The following ELOVL7 variants were observed in gnomAD, a reference collection of about 807,000 sequenced individuals.
The protein encoded by ELOVL7 is ELOVL fatty acid elongase 7, also known as very long chain fatty acid elongase 7.
ELOVL7 carries 27 observed loss-of-function variants against 35.7 expected under a neutral mutation model. The ratio of observed to expected loss-of-function variants is 0.76; its 90% CI spans 0.56 to 1.04. The LOEUF (loss-of-function observed/expected upper bound fraction) is 1.04. Ranked by LOEUF, ELOVL7 falls within the 50% of genes least tolerant of loss-of-function variation. The probability of loss-of-function intolerance (pLI) is 0.00; values close to 1 mark genes in which losing one functional copy is unlikely to be tolerated. For missense variants in ELOVL7, 327 were observed against 340.8 expected (o/e 0.96, Z 0.32); for synonymous variants, 113 against 114.6 (o/e 0.99, Z 0.09).
At chr5:60,793,635 T>C (rs1744073992) in intron 2 of ELOVL7, among the ~76,000 whole-genome samples, 1 of 152,082 alleles carries the variant, frequency 6.6e-6, no homozygotes, top group Non-Finnish European at 1.5e-5. Flanking sequence ...TCCTACAAAG[T>C]GAGCAGCAGA....
rs1742330883 is a variant in ELOVL7, at chr5:60,767,767, T to C, written c.336+56A>G. 8.9e-6 allele frequency: 12 copies of C among 1,343,300 alleles called. No homozygotes were observed. The South Asian group carries it at 1.4e-4, about 16-fold the overall frequency. 83.2% of individuals were successfully genotyped at this position (1,343,300 alleles called of 1,614,324 possible). ...AGTTTACGTTCAGTGTTACAAACAG[T>C]TCACAAAATTTTAACATTGATTTTG... On this transcript the variant is annotated intron_variant, in intron 5 of 8. Coordinates refer to ENST00000508821, the MANE Select transcript of ELOVL7 (RefSeq NM_024930.3).
intron 7 of ELOVL7, among the ~76,000 whole-genome samples, chr5:60,761,040 T>G (rs1190963402): frequency 6.6e-6 from 1 of 152,226 alleles, no homozygotes; most frequent in Admixed American, 6.5e-5. Flanking sequence ...TATTTTAATA[T>G]TTACAAAACA....
At chr5:60,772,205 TGGGC>T in intron 3 of ELOVL7, 112 bp from the exon 4 acceptor site, 1 of 642,790 alleles carries the variant, frequency 1.6e-6, no homozygotes, top group Non-Finnish European at 2.7e-6. Flanking sequence ...GTGAGCTATT[TGGGC>T]AGTGATCACT....
At chr5:60,783,142 A>G (rs1743363307) in intron 3 of ELOVL7, among the ~76,000 whole-genome samples, 2 of 152,134 alleles carry the variant, frequency 1.3e-5, no homozygotes, top group Non-Finnish European at 2.9e-5. Context: ...TGTGAGACCA[A>G]GTTTCCTCAC....
In ELOVL7 at chr5:60,763,645, C is replaced by T. The variant is rs560441905; in HGVS notation, c.499+582G>A. 9.9e-5 allele frequency among the ~76,000 whole-genome samples: 15 copies of T among 152,258 alleles called. No individual in the cohort carries two copies. The South Asian group carries it at 1.7e-3, about 17-fold the overall frequency. On this transcript the variant is annotated intron_variant, in intron 7 of 8. Transcript: ENST00000508821. ...TCAGAAGCCTAAAACAAAAAAGAAA[C>T]GACCTGTTTTCCAAACTTTCCATTT...
At chr5:60,826,772 G>T (rs1005049096) in intron 1 of ELOVL7, among the ~76,000 whole-genome samples, 1 of 152,164 alleles carries the variant, frequency 6.6e-6, no homozygotes, top group African/African-American at 2.4e-5. Context: ...AAACCAGGGG[G>T]TTTCCTTCTG....
intron 1 of ELOVL7, among the ~76,000 whole-genome samples, chr5:60,817,626 TA>T (rs1017886320): frequency 1.4e-5 from 2 of 147,466 alleles, no homozygotes; most frequent in Non-Finnish European, 3.0e-5. Flanking sequence ...TATTTGTATA[TA>T]TGTATATTAG....
At position 60,807,992 on chromosome 5, in the gene ELOVL7, CAAAAAAAAAAAAAAA is replaced by C. The variant is rs34086506; in HGVS notation, c.-85-8777_-85-8763del. On this transcript the variant is annotated intron_variant, in intron 1 of 8. Transcript: ENST00000508821. ...CCAGCCTGGGCGTGAGACTCCGTCT[CAAAAAAAAAAAAAAA>C]AAAAAAAAAAAAAAGAATAAAATGG... 5.6e-3 allele frequency among the ~76,000 whole-genome samples: 237 copies of C among 42,428 alleles called. 3 individuals carry two copies. Among genetic ancestry groups the C allele is most frequent in the African/African-American group, 0.018 (227 of 12,964 alleles). The allele number at this position is 42,428 out of a possible 152,430, so 27.8% of individuals were successfully genotyped here. A position where few individuals can be genotyped will look rare whatever the true frequency, so the allele number is the denominator to read the frequency against.
chr5:60,763,291 C>T (rs1742033836), intron 7 of ELOVL7, among the ~76,000 whole-genome samples: 2 of 152,196 alleles, frequency 1.3e-5, no homozygotes, highest in South Asian at 4.1e-4. Flanking sequence ...CCCTTCCTGA[C>T]ACGGGCTTAT....
At chr5:60,765,031 T>G (rs947585038) in intron 6 of ELOVL7, among the ~76,000 whole-genome samples, 6 of 152,076 alleles carry the variant, frequency 3.9e-5, no homozygotes, top group Non-Finnish European at 7.4e-5. Flanking sequence ...TGTTAAGATT[T>G]TTAAATACAA....
intron 1 of ELOVL7, among the ~76,000 whole-genome samples, chr5:60,842,000 G>T (rs1747202038): frequency 6.6e-6 from 1 of 152,104 alleles, no homozygotes; most frequent in Non-Finnish European, 1.5e-5. Flanking sequence ...AAACCTGCCT[G>T]ATGTGTGCTA....
intron 3 of ELOVL7, among the ~76,000 whole-genome samples, chr5:60,783,696 T>G (rs1188058447): frequency 6.6e-6 from 1 of 152,192 alleles, no homozygotes; most frequent in Non-Finnish European, 1.5e-5. Flanking sequence ...AAGGCACACC[T>G]CTATTTGAAA....
chr5:60,788,787 G>T (rs1743751897), intron 2 of ELOVL7, among the ~76,000 whole-genome samples: 1 of 151,410 alleles, frequency 6.6e-6, no homozygotes, highest in Admixed American at 6.6e-5. Context: ...AGTGAGACTT[G>T]GTCTTAAAAA....
intron 7 of ELOVL7, among the ~76,000 whole-genome samples, chr5:60,761,728 A>G (rs1338743419): frequency 3.3e-5 from 5 of 152,154 alleles, no homozygotes; most frequent in Non-Finnish European, 5.9e-5. Flanking sequence ...TTGAATTCAT[A>G]AAAATAGGGA....
At chr5:60,783,773 A>G (rs1579827853) in intron 3 of ELOVL7, among the ~76,000 whole-genome samples, 1 of 152,190 alleles carries the variant, frequency 6.6e-6, no homozygotes, top group Admixed American at 6.5e-5. Context: ...ACCTTCATAA[A>G]AGGATGACCC....
At chr5:60,783,450 C>T (rs553297386) in intron 3 of ELOVL7, among the ~76,000 whole-genome samples, 1 of 152,304 alleles carries the variant, frequency 6.6e-6, no homozygotes, top group East Asian at 1.9e-4. Context: ...AACAGTTATA[C>T]CTTTCTGAAT....
At chr5:60,815,521 A>G (rs1230687449) in intron 1 of ELOVL7, among the ~76,000 whole-genome samples, 1 of 151,438 alleles carries the variant, frequency 6.6e-6, no homozygotes, top group Non-Finnish European at 1.5e-5. Context: ...CACATTGTAA[A>G]TCTCAAATAC....
intron 3 of ELOVL7, among the ~76,000 whole-genome samples, chr5:60,774,701 C>A (rs1742800198): frequency 6.6e-6 from 1 of 151,892 alleles, no homozygotes; most frequent in Non-Finnish European, 1.5e-5. Flanking sequence ...GTAAAATTAT[C>A]CCTGCTTGCT....
intron 2 of ELOVL7, among the ~76,000 whole-genome samples, chr5:60,792,085 A>C (rs778382107): frequency 4.6e-5 from 7 of 152,156 alleles, no homozygotes; most frequent in Non-Finnish European, 1.0e-4. Flanking sequence ...CGAAGGAAGG[A>C]GGAAAGGCAG....
Sources: gnomAD v4.1 joint callset for allele counts (sites outside exome capture counted in the v4.1 genomes callset) on GRCh38, gnomAD v4.1.1 for gene constraint, MANE v1.5 for transcripts, NCBI Gene and HGNC (gene_info 2026-07-23, HGNC 2026-07-21) for gene names.